The following LRRC4C variants were observed in gnomAD, a reference collection of about 807,000 sequenced individuals.
LRRC4C encodes the protein leucine-rich repeat-containing protein 4C.
In LRRC4C, 5 loss-of-function variants were observed where a neutral mutation model predicts 33.6. The observed-to-expected ratio is 0.15, with a 90% CI of 0.08 to 0.31. LRRC4C has a LOEUF of 0.31. Among genes scored for constraint, LRRC4C ranks in the 10% least tolerant of loss-of-function variants. The pLI, the probability that LRRC4C is intolerant of heterozygous loss-of-function variation, is 1.00. For synonymous variants in LRRC4C, 329 were observed against 302.0 expected (o/e 1.09, Z -0.93); for missense variants, 560 against 796.7 (o/e 0.70, Z 3.58).
At chr11:40,229,125 C>CT (rs1301142118) in intron 5 of LRRC4C, among the ~76,000 whole-genome samples, 1 of 152,164 alleles carries the variant, frequency 6.6e-6, no homozygotes, top group Non-Finnish European at 1.5e-5. Flanking sequence ...TTAATCTTCT[C>CT]TTTTTTCTAC....
chr11:41,266,879 T>C (rs1949167942), intron 1 of LRRC4C, among the ~76,000 whole-genome samples: 1 of 152,128 alleles, frequency 6.6e-6, no homozygotes, highest in Admixed American at 6.6e-5. Flanking sequence ...ATATGAAATA[T>C]ATGCATGTTG....
intron 5 of LRRC4C, among the ~76,000 whole-genome samples, chr11:40,164,486 C>T (rs1459117750): frequency 6.6e-6 from 1 of 152,152 alleles, no homozygotes; most frequent in Non-Finnish European, 1.5e-5. Context: ...ATCTGCCCAC[C>T]TCAGCCTCCC....
At position 40,212,469 on chromosome 11, in the gene LRRC4C, A is replaced by AT. The variant is rs1554975049; in HGVS notation, c.-96+29049dup. 1.9e-3 allele frequency among the ~76,000 whole-genome samples: 181 copies of AT among 96,886 alleles called. No homozygotes were observed. In the East Asian group the frequency reaches 0.025, roughly 14 times the overall value. 63.6% of individuals were successfully genotyped at this position (96,886 alleles called of 152,430 possible). A position where few individuals can be genotyped will look rare whatever the true frequency, so the allele number is the denominator to read the frequency against. On this transcript the variant is annotated intron_variant, in intron 5 of 6. Coordinates refer to ENST00000528697, the MANE Select transcript of LRRC4C (RefSeq NM_001258419.2). Reference sequence around the variant, plus strand: ...CCCAGGCAAGACAAACACAAGCAAAATTAAAAAAAAAAAAAACTATAGGAA... The same window carrying AT: ...CCCAGGCAAGACAAACACAAGCAAAATTTAAAAAAAAAAAAAACTATAGGAA...
intron 2 of LRRC4C, among the ~76,000 whole-genome samples, chr11:40,669,301 A>G (rs1943964722): frequency 2.0e-5 from 3 of 152,228 alleles, no homozygotes; most frequent in Admixed American, 6.5e-5. Flanking sequence ...TATTTATTAA[A>G]GCAACAATAT....
chr11:40,914,255 T>C (rs1357772531), intron 2 of LRRC4C, among the ~76,000 whole-genome samples: 2 of 152,116 alleles, frequency 1.3e-5, no homozygotes, highest in Admixed American at 1.3e-4. Flanking sequence ...AAAAGAGAAT[T>C]TTAGGCCAAT....
At chr11:40,867,057 T>C (rs1591939138) in intron 2 of LRRC4C, among the ~76,000 whole-genome samples, 1 of 152,228 alleles carries the variant, frequency 6.6e-6, no homozygotes, top group Non-Finnish European at 1.5e-5. Flanking sequence ...ATTCTTCTGC[T>C]ATATGATGCC....
intron 4 of LRRC4C, chr11:40,292,366 A>G (rs969478057): frequency 1.3e-5 from 2 of 152,254 alleles, no homozygotes; most frequent in South Asian, 4.2e-4. Flanking sequence ...CACAAATCCA[A>G]CTGTGCTCTG....
chr11:40,793,887 A>G (rs1171234712), intron 2 of LRRC4C, among the ~76,000 whole-genome samples: 1 of 152,198 alleles, frequency 6.6e-6, no homozygotes, highest in Non-Finnish European at 1.5e-5. Flanking sequence ...TCTGGAATGT[A>G]CTTTAAAAAT....
At chr11:41,145,899 T>A (rs1296159071) in intron 1 of LRRC4C, among the ~76,000 whole-genome samples, 2 of 152,168 alleles carry the variant, frequency 1.3e-5, no homozygotes, top group African/African-American at 4.8e-5. Flanking sequence ...GCTGTAAAAG[T>A]TCTACTTATC....
intron 2 of LRRC4C, among the ~76,000 whole-genome samples, chr11:40,744,845 G>A (rs1031564070): frequency 1.3e-5 from 2 of 152,126 alleles, no homozygotes; most frequent in Admixed American, 1.3e-4. Context: ...AAGGGTTTAA[G>A]TTAACTTAAC....
At chr11:40,772,209 C>T (rs898387340) in intron 2 of LRRC4C, among the ~76,000 whole-genome samples, 1 of 152,290 alleles carries the variant, frequency 6.6e-6, no homozygotes, top group South Asian at 2.1e-4. Context: ...CAAACACATC[C>T]TTTTCACATG....
chr11:41,299,305 T>C (rs1950223677), intron 1 of LRRC4C, among the ~76,000 whole-genome samples: 1 of 152,134 alleles, frequency 6.6e-6, no homozygotes, highest in African/African-American at 2.4e-5. Flanking sequence ...AAAACAATAA[T>C]ATCAAACTTT....
At chr11:40,208,094 T>C (rs1465585098) in intron 5 of LRRC4C, among the ~76,000 whole-genome samples, 2 of 152,188 alleles carry the variant, frequency 1.3e-5, no homozygotes, top group Non-Finnish European at 2.9e-5. Context: ...CTTTCCTGTA[T>C]TGTGTTAAAA....
chr11:41,383,568 A>T (rs1034565432), intron 1 of LRRC4C, among the ~76,000 whole-genome samples: 1 of 152,084 alleles, frequency 6.6e-6, no homozygotes, highest in African/African-American at 2.4e-5. Flanking sequence ...AACAGAGTAC[A>T]TAAAATCAAC....
chr11:40,171,796 C>T (rs989853301), intron 5 of LRRC4C, among the ~76,000 whole-genome samples: 1 of 152,168 alleles, frequency 6.6e-6, no homozygotes, highest in African/African-American at 2.4e-5. Flanking sequence ...TGGTCCTACA[C>T]AGACTTTGTC....
rs532955654 is a variant in LRRC4C, at chr11:40,116,349, C to CA, written c.-42-16dup. Reference sequence around the variant, plus strand: ...ATTCAAACAGTCTGCAAAATACAAGCAAAAAAAACCAATTATTAGATTAGA... The same window carrying CA: ...ATTCAAACAGTCTGCAAAATACAAGCAAAAAAAAACCAATTATTAGATTAGA... On this transcript the variant is annotated splice_polypyrimidine_tract_variant and intron_variant, in intron 6 of 6. Transcript: ENST00000528697. 84 of 1,511,774 alleles carry CA rather than the reference C, an allele frequency of 5.6e-5. No individual in the cohort carries two copies. Among genetic ancestry groups the CA allele is most frequent in the Middle Eastern group, 4.6e-4 (2 of 4,312 alleles). 93.6% of individuals were successfully genotyped at this position (1,511,774 alleles called of 1,614,324 possible).
chr11:40,877,808 C>A (rs908077684), intron 2 of LRRC4C, among the ~76,000 whole-genome samples: 1 of 152,172 alleles, frequency 6.6e-6, no homozygotes, highest in Non-Finnish European at 1.5e-5. Flanking sequence ...TCTTTTCATG[C>A]AGGGTGCTTG....
At chr11:40,323,758 A>G (rs1216875175) in intron 3 of LRRC4C, among the ~76,000 whole-genome samples, 1 of 152,210 alleles carries the variant, frequency 6.6e-6, no homozygotes, top group East Asian at 1.9e-4. Flanking sequence ...CACAGATCCT[A>G]CCTCAAGGAA....
intron 2 of LRRC4C, among the ~76,000 whole-genome samples, chr11:40,891,173 G>T (rs2136108314): frequency 6.6e-6 from 1 of 152,220 alleles, no homozygotes; most frequent in East Asian, 1.9e-4. Flanking sequence ...GGAGGCGGAG[G>T]TTGCAGTGAG....
Sources: gnomAD v4.1 joint callset for allele counts (sites outside exome capture counted in the v4.1 genomes callset) on GRCh38, gnomAD v4.1.1 for gene constraint, MANE v1.5 for transcripts, NCBI Gene and HGNC (gene_info 2026-07-23, HGNC 2026-07-21) for gene names.